Variants in KLRD1 observed in about 807,000 individuals in gnomAD.
KLRD1 encodes natural killer cells antigen CD94.
KLRD1 carries 21 observed loss-of-function variants against 22.6 expected under a neutral mutation model. The ratio of observed to expected loss-of-function variants is 0.93; its 90% CI spans 0.66 to 1.34. The LOEUF is 1.34. KLRD1 is among the 40% of genes most tolerant of loss of function. The pLI, the probability that KLRD1 is intolerant of heterozygous loss-of-function variation, is 0.00. For synonymous variants in KLRD1, 59 were observed against 71.1 expected, an observed-to-expected ratio of 0.83 and a Z score of 0.85; for missense variants, 183 against 208.6, an observed-to-expected ratio of 0.88 and a Z score of 0.76.
intron 1 of KLRD1, among the ~76,000 whole-genome samples, chr12:10,266,669 CTTATT>C (rs1300090450): frequency 6.6e-6 from 1 of 151,600 alleles, no homozygotes; most frequent in Non-Finnish European, 1.5e-5. Context: ...CCTACTGTAT[CTTATT>C]TTATATATAT....
intron 1 of KLRD1, among the ~76,000 whole-genome samples, chr12:10,247,803 A>G (rs77425609): frequency 0.026 from 3,909 of 151,972 alleles, 175 homozygotes; most frequent in African/African-American, 0.09. Flanking sequence ...TTTACTTGGC[A>G]TTTCTCTGTC....
chr12:10,264,434 A>G (rs1949481123), intron 1 of KLRD1, among the ~76,000 whole-genome samples: 1 of 152,194 alleles, frequency 6.6e-6, no homozygotes, highest in Admixed American at 6.5e-5. Context: ...AAACATTACC[A>G]AGGTGTAATT....
intron 1 of KLRD1, among the ~76,000 whole-genome samples, chr12:10,287,924 C>T (rs1226656497): frequency 1.3e-5 from 2 of 151,350 alleles, no homozygotes; most frequent in Admixed American, 6.6e-5. Context: ...AAAAATTAGC[C>T]GGGCGTGGTG....
chr12:10,292,278 A>G (rs765056967), intron 1 of KLRD1, among the ~76,000 whole-genome samples: 28 of 152,220 alleles, frequency 1.8e-4, no homozygotes, highest in Non-Finnish European at 4.0e-4. Flanking sequence ...GTGTTCTTAA[A>G]TGGAATCTAG....
At position 10,239,518 on chromosome 12, in the gene KLRD1, C is replaced by CCTTTCTTTCTTTCTCTTT. The variant is rs545852866; in HGVS notation, c.-101+13299_-101+13300insCTTTCTTTCTTTCTTTCT. On this transcript the variant is annotated intron_variant, in intron 1 of 5. Transcript: ENST00000544747. ...CTTCCTTCCTTCCCTCCTTCCCTCC[C>CCTTTCTTTCTTTCTCTTT]CTTTCTTTCTTTCTTTCTTTCTTTC... Among the ~76,000 whole-genome samples the CCTTTCTTTCTTTCTCTTT allele has an allele frequency of 1.9e-3, 112 of 59,526 alleles. 2 individuals are homozygous for CCTTTCTTTCTTTCTCTTT. The highest frequency in any genetic ancestry group is 4.7e-3 in the South Asian group (5 of 1,072). 39.1% of individuals were successfully genotyped at this position (59,526 alleles called of 152,430 possible). A position where few individuals can be genotyped will look rare whatever the true frequency, so the allele number is the denominator to read the frequency against.
chr12:10,295,707 A>G (rs1949815580), intron 1 of KLRD1, among the ~76,000 whole-genome samples: 1 of 152,174 alleles, frequency 6.6e-6, no homozygotes, highest in African/African-American at 2.4e-5. Context: ...AAACAGAAAC[A>G]TTTACAATAA....
chr12:10,260,979 T>TAAA (rs1491065508), intron 1 of KLRD1, among the ~76,000 whole-genome samples: 10,235 of 37,496 alleles, frequency 0.27, 650 homozygotes, highest in South Asian at 0.5. Context: ...AAAAAAAAAT[T>TAAA]TTTTTGAGGT....
chr12:10,313,650 T>C (rs912357623), intron 5 of KLRD1, 137 bp downstream of exon 5: 29 of 477,526 alleles, frequency 6.1e-5, no homozygotes, highest in Admixed American at 3.2e-4. Context: ...AAGGAAAAAG[T>C]ACAACAAAAT....
intron 1 of KLRD1, among the ~76,000 whole-genome samples, chr12:10,277,478 C>T (rs1949602866): frequency 1.3e-5 from 2 of 151,938 alleles, no homozygotes; most frequent in South Asian, 2.1e-4. Flanking sequence ...TATTTTCCCA[C>T]TTCATGGTGG....
chr12:10,317,400 C>G lies in KLRD1; in HGVS notation c.*2607C>G, dbSNP rs1366934907. 6.6e-6 allele frequency: 1 copy of G among 152,156 alleles called. No homozygotes were observed. The highest frequency in any genetic ancestry group is 1.5e-5 in the Non-Finnish European group (1 of 68,040). The allele number at this position is 152,156 out of a possible 1,614,324, so 9.4% of individuals were successfully genotyped here. ...GAAAGCAGATAAGCTATGAGTCTGC[C>G]TTTCTTCATGGTCCAGGATATGGGC... On this transcript the variant is annotated 3_prime_UTR_variant, in exon 6 of 6. Coordinates refer to ENST00000336164, the MANE Select transcript of KLRD1 (RefSeq NM_002262.5).
At chr12:10,281,095 T>C (rs1949637208) in intron 1 of KLRD1, among the ~76,000 whole-genome samples, 1 of 152,200 alleles carries the variant, frequency 6.6e-6, no homozygotes, top group Admixed American at 6.5e-5. Flanking sequence ...TGAAGGATTA[T>C]TTTGGATTAT....
intron 1 of KLRD1, among the ~76,000 whole-genome samples, chr12:10,278,576 T>C (rs1231886911): frequency 6.6e-6 from 1 of 152,200 alleles, no homozygotes; most frequent in African/African-American, 2.4e-5. Flanking sequence ...TTGATTCCTA[T>C]TTATTTTCTG....
Position 10,326,656 on chromosome 12 carries a change from A to C in KLRD1, c.*11863A>C, listed in dbSNP as rs1157499616. ...ATTTATCTCAGTGAGCAAAGAGATG[A>C]CTTTGAATAGAATGGGGGGCTCCCA... is the stretch of plus-strand genomic sequence containing the variant. On this transcript the variant is annotated 3_prime_UTR_variant, in exon 6 of 6. Transcript: ENST00000336164. The C allele has an allele frequency of 6.6e-6, 1 of 152,208 alleles. No individual in the cohort carries two copies. The highest frequency in any genetic ancestry group is 1.5e-5 in the Non-Finnish European group (1 of 68,034). 9.4% of individuals were successfully genotyped at this position (152,208 alleles called of 1,614,324 possible). A position where few individuals can be genotyped will look rare whatever the true frequency, so the allele number is the denominator to read the frequency against.
chr12:10,289,575 C>T (rs1203720965), intron 1 of KLRD1, among the ~76,000 whole-genome samples: 1 of 152,152 alleles, frequency 6.6e-6, no homozygotes, highest in African/African-American at 2.4e-5. Context: ...TACTTATATG[C>T]ATAACTTGAA....
At chr12:10,287,303 G>T (rs1949716258) in intron 1 of KLRD1, among the ~76,000 whole-genome samples, 1 of 151,984 alleles carries the variant, frequency 6.6e-6, no homozygotes, top group African/African-American at 2.4e-5. Context: ...GTATGAGATT[G>T]GTATAGTCAA....
intron 1 of KLRD1, among the ~76,000 whole-genome samples, chr12:10,294,590 G>A (rs1354617214): frequency 7.1e-6 from 1 of 140,388 alleles, no homozygotes; most frequent in Non-Finnish European, 1.6e-5. Flanking sequence ...AGTAGAGACA[G>A]GGTTTCACCA....
chr12:10,319,179 A>T lies in KLRD1; in HGVS notation c.*4386A>T, dbSNP rs1293113818. On this transcript the variant is annotated 3_prime_UTR_variant, in exon 6 of 6. Coordinates refer to ENST00000336164, the MANE Select transcript of KLRD1 (RefSeq NM_002262.5). ...GTGAGACAGATTTGGTCCACAGGCCATAGTTTGCCAACATGTGCCCAAGTA... is the reference window on the plus strand; with the variant it reads ...GTGAGACAGATTTGGTCCACAGGCCTTAGTTTGCCAACATGTGCCCAAGTA... The T allele has an allele frequency of 1.3e-5, 2 of 152,224 alleles. No homozygotes were observed. The highest frequency in any genetic ancestry group is 3.9e-4 in the East Asian group (2 of 5,190). The allele number at this position is 152,224 out of a possible 1,614,324, so 9.4% of individuals were successfully genotyped here.
intron 5 of KLRD1, 111 bp downstream of exon 5, chr12:10,313,624 C>A: frequency 2.3e-5 from 12 of 527,676 alleles, no homozygotes; most frequent in Non-Finnish European, 3.0e-5. Flanking sequence ...TTGTCTAGGG[C>A]ATGAGAATAC....
Position 10,314,866 on chromosome 12 carries a change from T to C in KLRD1, c.*73T>C, listed in dbSNP as rs866000349. ...AACAATGATACAGTTGCATGTTATA[T>C]TATTACTAATTGTCTACTTCTGGAG... On this transcript the variant is annotated 3_prime_UTR_variant, in exon 6 of 6. Coordinates refer to ENST00000336164, the MANE Select transcript of KLRD1 (RefSeq NM_002262.5). The C allele has an allele frequency of 3.1e-5, 41 of 1,341,178 alleles. No homozygotes were observed. Among genetic ancestry groups the C allele is most frequent in the Middle Eastern group, 3.6e-4 (2 of 5,502 alleles). 83.1% of individuals were successfully genotyped at this position (1,341,178 alleles called of 1,614,324 possible). A position where few individuals can be genotyped will look rare whatever the true frequency, so the allele number is the denominator to read the frequency against.
Sources: allele counts gnomAD v4.1 joint callset (sites outside exome capture counted in the v4.1 genomes callset), GRCh38; gene constraint gnomAD v4.1.1; transcripts MANE v1.5; gene names NCBI Gene and HGNC (gene_info 2026-07-23, HGNC 2026-07-21).